CNTNAP2: variants seen among roughly 807,000 people sequenced by gnomAD.
CNTNAP2 encodes contactin associated protein 2.
CNTNAP2 carries 98 observed loss-of-function variants against 155.2 expected under a neutral mutation model. The ratio of observed to expected loss-of-function variants is 0.63; its 90% CI spans 0.54 to 0.75. The LOEUF (loss-of-function observed/expected upper bound fraction) is 0.75. Ranked by LOEUF, CNTNAP2 falls within the 30% of genes least tolerant of loss-of-function variation. The probability of loss-of-function intolerance (pLI) is 0.00; values close to 1 mark genes in which losing one functional copy is unlikely to be tolerated. For synonymous variants in CNTNAP2, 651 were observed against 631.2 expected (o/e 1.03, Z -0.47); for missense variants, 1,727 against 1,688.1 (o/e 1.02, Z -0.40).
chr7:147,075,813 G>C (rs1014191723), intron 4 of CNTNAP2, among the ~76,000 whole-genome samples: 3 of 151,884 alleles, frequency 2.0e-5, no homozygotes, highest in Non-Finnish European at 2.9e-5. Context: ...CCCAGTGTGT[G>C]ATGTTCCCCA....
At chr7:146,874,327 TTTTTTA>T (rs1431727094) in intron 3 of CNTNAP2, among the ~76,000 whole-genome samples, 2 of 152,110 alleles carry the variant, frequency 1.3e-5, no homozygotes, top group Admixed American at 6.6e-5. Context: ...TTCATGTTTA[TTTTTTA>T]TTTTTATTTT....
chr7:147,817,063 T>C (rs904876557), intron 13 of CNTNAP2, among the ~76,000 whole-genome samples: 1 of 152,142 alleles, frequency 6.6e-6, no homozygotes, highest in African/African-American at 2.4e-5. Context: ...AGGAAGCAGT[T>C]AAATGACACC....
chr7:146,956,470 C>T (rs1797439749), intron 3 of CNTNAP2, among the ~76,000 whole-genome samples: 1 of 152,144 alleles, frequency 6.6e-6, no homozygotes, highest in South Asian at 2.1e-4. Context: ...TGCTGTCTTC[C>T]ACATTGGGTT....
At chr7:147,235,633 G>A (rs1171311753) in intron 8 of CNTNAP2, among the ~76,000 whole-genome samples, 4 of 151,890 alleles carry the variant, frequency 2.6e-5, no homozygotes, top group South Asian at 2.1e-4. Flanking sequence ...ATCCATTCTC[G>A]CTTCTATTTT....
At chr7:146,535,520 C>CATGT (rs1797854616) in intron 1 of CNTNAP2, among the ~76,000 whole-genome samples, 1 of 102,814 alleles carries the variant, frequency 9.7e-6, no homozygotes, top group African/African-American at 6.0e-5. Context: ...AATCAATCAA[C>CATGT]ATTTGTTTAT....
chr7:147,388,967 C>T (rs568573373), intron 9 of CNTNAP2, among the ~76,000 whole-genome samples: 7 of 152,168 alleles, frequency 4.6e-5, no homozygotes, highest in Non-Finnish European at 1.0e-4. Flanking sequence ...TCAACCTGTA[C>T]TGTAACCAAT....
At chr7:146,393,440 G>A (rs10262298) in intron 1 of CNTNAP2, among the ~76,000 whole-genome samples, 82,674 of 152,014 alleles carry the variant, frequency 0.54, 26,077 homozygotes, top group African/African-American at 0.88. Flanking sequence ...AACTTAATGT[G>A]GCCATGATGG....
At chr7:146,916,450 G>A (rs1467223324) in intron 3 of CNTNAP2, among the ~76,000 whole-genome samples, 1 of 151,894 alleles carries the variant, frequency 6.6e-6, no homozygotes, top group African/African-American at 2.4e-5. Flanking sequence ...AATCTATCTG[G>A]TCCTGGACTT....
chr7:147,249,604 T>TAAAAAAAAAAAAAAAAAA lies in CNTNAP2; in HGVS notation c.1349-50533_1349-50516dup, dbSNP rs755601249. ...CTATAATAAAGGAAGACATTGGAGG[T>TAAAAAAAAAAAAAAAAAA]AAAAAAAAAAAAAAAAAAAAAGGTT... On this transcript the variant is annotated intron_variant, in intron 8 of 23. Coordinates refer to ENST00000361727, the MANE Select transcript of CNTNAP2 (RefSeq NM_014141.6). 2.4e-4 allele frequency among the ~76,000 whole-genome samples: 17 copies of TAAAAAAAAAAAAAAAAAA among 70,004 alleles called. 2 individuals are homozygous for TAAAAAAAAAAAAAAAAAA. The highest frequency in any genetic ancestry group is 1.0e-3 in the African/African-American group (17 of 16,756). The allele number at this position is 70,004 out of a possible 152,430, so 45.9% of individuals were successfully genotyped here.
intron 1 of CNTNAP2, among the ~76,000 whole-genome samples, chr7:146,305,973 A>C (rs540530768): frequency 6.6e-6 from 1 of 152,214 alleles, no homozygotes; most frequent in South Asian, 2.1e-4. Context: ...TTTTTTGAAA[A>C]AATAAACAAA....
Position 147,057,120 on chromosome 7 carries a change from C to T in CNTNAP2, c.550+13066C>T, listed in dbSNP as rs943318724. ...AGGCCAAGATGATCCTTTTCAACAGCGTCTAAGTTAAAATATGCTACAAAT... is the reference window on the plus strand; with the variant it reads ...AGGCCAAGATGATCCTTTTCAACAGTGTCTAAGTTAAAATATGCTACAAAT... On this transcript the variant is annotated intron_variant, in intron 4 of 23. Transcript: ENST00000361727. Among the ~76,000 whole-genome samples, 9 of 152,134 alleles carry T rather than the reference C, an allele frequency of 5.9e-5. 1 individual carries two copies. The highest frequency in any genetic ancestry group is 4.6e-4 in the Admixed American group (7 of 15,268).
intron 3 of CNTNAP2, among the ~76,000 whole-genome samples, chr7:146,978,027 A>G (rs1467050648): frequency 3.9e-5 from 6 of 152,314 alleles, no homozygotes; most frequent in Admixed American, 3.3e-4. Flanking sequence ...TCAGGCAGTG[A>G]AGCAAAAAGC....
chr7:148,254,609 A>T (rs138643200), intron 20 of CNTNAP2, among the ~76,000 whole-genome samples: 7,479 of 151,934 alleles, frequency 0.049, 272 homozygotes, highest in South Asian at 0.1. Flanking sequence ...ACCCCGTCTC[A>T]ACTAAAAATA....
intron 11 of CNTNAP2, among the ~76,000 whole-genome samples, chr7:147,520,421 G>T (rs1355267761): frequency 6.6e-6 from 1 of 152,176 alleles, no homozygotes; most frequent in East Asian, 1.9e-4. Flanking sequence ...CCATTGCCCT[G>T]TAAGTATTAT....
At chr7:147,764,407 T>G (rs1797353492) in intron 13 of CNTNAP2, among the ~76,000 whole-genome samples, 1 of 152,198 alleles carries the variant, frequency 6.6e-6, no homozygotes. Flanking sequence ...AATACCTAAT[T>G]TCACTCTTGA....
At chr7:148,091,440 C>T (rs1263875747) in intron 15 of CNTNAP2, among the ~76,000 whole-genome samples, 3 of 152,084 alleles carry the variant, frequency 2.0e-5, no homozygotes, top group Admixed American at 6.6e-5. Context: ...TATCCCAGCT[C>T]TCAAAGCTGA....
intron 8 of CNTNAP2, among the ~76,000 whole-genome samples, chr7:147,214,405 C>T (rs1441173030): frequency 1.3e-5 from 2 of 152,124 alleles, no homozygotes; most frequent in Admixed American, 1.3e-4. Context: ...CCTTGGTTTG[C>T]TCCTTTGTAA....
At chr7:148,295,086 C>T (rs896721880) in intron 21 of CNTNAP2, among the ~76,000 whole-genome samples, 1 of 152,090 alleles carries the variant, frequency 6.6e-6, no homozygotes, top group Non-Finnish European at 1.5e-5. Context: ...TTTTACAAAA[C>T]TTAATTCTTT....
intron 3 of CNTNAP2, among the ~76,000 whole-genome samples, chr7:146,845,023 T>G (rs758031098): frequency 6.6e-6 from 1 of 152,116 alleles, no homozygotes; most frequent in Non-Finnish European, 1.5e-5. Context: ...AATAGATTAC[T>G]TATTTTCAAA....
Sources: allele counts gnomAD v4.1 joint callset (sites outside exome capture counted in the v4.1 genomes callset), GRCh38; gene constraint gnomAD v4.1.1; transcripts MANE v1.5; gene names NCBI Gene and HGNC (gene_info 2026-07-23, HGNC 2026-07-21).